Variants in ATG3 observed in about 807,000 individuals in gnomAD.
ATG3 encodes autophagy related 3.
A neutral mutation model predicts 50.7 loss-of-function variants in ATG3; 25 were observed. That is an observed-to-expected ratio of 0.49 (90% CI 0.36 to 0.69). The LOEUF (loss-of-function observed/expected upper bound fraction) is 0.69, where lower values mean the gene tolerates loss of function less well. ATG3 is among the 30% of genes least tolerant of loss of function. The pLI is 0.00. For synonymous variants in ATG3, 119 were observed against 125.5 expected (o/e 0.95, Z 0.34); for missense variants, 281 against 376.0 (o/e 0.75, Z 2.09).
intron 7 of ATG3, among the ~76,000 whole-genome samples, 197 bp downstream of exon 7, chr3:112,541,606 T>C (rs1253233809): frequency 1.3e-5 from 2 of 152,226 alleles, no homozygotes; most frequent in African/African-American, 2.4e-5. Context: ...AAGACTATGT[T>C]TGGAGTAAAA....
intron 7 of ATG3, 143 bp downstream of exon 7, chr3:112,541,660 T>A: frequency 1.5e-6 from 1 of 657,204 alleles, no homozygotes; most frequent in Non-Finnish European, 2.6e-6. Context: ...TAATGAAATT[T>A]ATGAACTAAA....
chr3:112,549,406 T>C (rs1293456832), intron 4 of ATG3, among the ~76,000 whole-genome samples: 1 of 152,230 alleles, frequency 6.6e-6, no homozygotes, highest in African/African-American at 2.4e-5. Context: ...TATTTTCCCT[T>C]TCCTATAATG....
At chr3:112,545,488 T>C (rs1377446998) in intron 5 of ATG3, among the ~76,000 whole-genome samples, 1 of 152,224 alleles carries the variant, frequency 6.6e-6, no homozygotes, top group Non-Finnish European at 1.5e-5. Context: ...CTGTTCAACA[T>C]GCCTAAACAA....
chr3:112,552,573 A>C (rs971090988), intron 3 of ATG3, among the ~76,000 whole-genome samples: 11 of 151,772 alleles, frequency 7.2e-5, no homozygotes, highest in African/African-American at 2.7e-4. Context: ...TAAAACTGCA[A>C]AATCTCTGCA....
chr3:112,540,198 A>G (rs1229336974), intron 7 of ATG3, among the ~76,000 whole-genome samples: 1 of 152,264 alleles, frequency 6.6e-6, no homozygotes, highest in Admixed American at 6.5e-5. Flanking sequence ...AATAAGGACA[A>G]GAATCTCACT....
chr3:112,558,699 T>A (rs947678756), intron 1 of ATG3, among the ~76,000 whole-genome samples: 1 of 151,906 alleles, frequency 6.6e-6, no homozygotes, highest in Non-Finnish European at 1.5e-5. Flanking sequence ...TACTATCAGA[T>A]CAGTGCTATA....
Position 112,545,088 on chromosome 3 carries a change from C to T in ATG3, c.344-982G>A, listed in dbSNP as rs532599793. ...ATTTCCACATCTTATTTAATCCTCACAATGACTATCTTATGAGGACGTTAC... is the reference window on the plus strand; with the variant it reads ...ATTTCCACATCTTATTTAATCCTCATAATGACTATCTTATGAGGACGTTAC... On this transcript the variant is annotated intron_variant, in intron 5 of 11. Transcript: ENST00000283290. Among the ~76,000 whole-genome samples, 8 of 152,308 alleles carry T rather than the reference C, an allele frequency of 5.3e-5. No homozygotes were observed. In the South Asian group the frequency reaches 1.2e-3, roughly 24 times the overall value.
At chr3:112,537,330 T>A (rs1933097267) in intron 9 of ATG3, among the ~76,000 whole-genome samples, 4 of 152,212 alleles carry the variant, frequency 2.6e-5, no homozygotes, top group Admixed American at 2.0e-4. Flanking sequence ...GTAGATGAGT[T>A]TTCTGTCTTA....
At chr3:112,541,352 A>G (rs944116309) in intron 7 of ATG3, among the ~76,000 whole-genome samples, 5 of 151,634 alleles carry the variant, frequency 3.3e-5, no homozygotes, top group African/African-American at 9.7e-5. Context: ...GCACCACTGC[A>G]CTCCAGCCTG....
Position 112,534,344 on chromosome 3 carries a change from G to C in ATG3, c.795-7C>G. The C allele has an allele frequency of 3.2e-6, 4 of 1,256,676 alleles. No individual in the cohort carries two copies. The highest frequency in any genetic ancestry group is 2.0e-6 in the Non-Finnish European group (2 of 990,716). The allele number at this position is 1,256,676 out of a possible 1,614,324, so 77.8% of individuals were successfully genotyped here. On this transcript the variant is annotated splice_polypyrimidine_tract_variant and splice_region_variant and intron_variant, in intron 10 of 11. Coordinates refer to ENST00000283290, the MANE Select transcript of ATG3 (RefSeq NM_022488.5). ...CTTCATCACCTCAGCATGCCTAGAA[G>C]CCAAAAAAAAAAAAAATTGTTAATG... is the stretch of plus-strand genomic sequence containing the variant.
intron 8 of ATG3, 77 bp downstream of exon 8, chr3:112,538,069 C>A: frequency 7.8e-7 from 1 of 1,279,072 alleles, no homozygotes; most frequent in South Asian, 1.4e-5. Context: ...TTTGAAAGAT[C>A]AATATATTAT....
chr3:112,556,828 CATGCTCGTTAAGAGTCATCACCACT>C (rs1933697114), intron 2 of ATG3, among the ~76,000 whole-genome samples: 1 of 151,950 alleles, frequency 6.6e-6, no homozygotes, highest in African/African-American at 2.4e-5. Flanking sequence ...TTGAAGGCAG[CATGCTCGTTAAGAGTCATCACCACT>C]CCCTAACCTC....
chr3:112,543,776 G>A (rs1313472137), intron 6 of ATG3, among the ~76,000 whole-genome samples: 2 of 152,124 alleles, frequency 1.3e-5, no homozygotes, highest in East Asian at 3.8e-4. Context: ...TCCAGTCAGT[G>A]AAAATTAGTA....
At chr3:112,559,523 A>C (rs939265331) in intron 1 of ATG3, among the ~76,000 whole-genome samples, 6 of 152,254 alleles carry the variant, frequency 3.9e-5, no homozygotes, top group Admixed American at 2.6e-4. Flanking sequence ...AGAAAAATGA[A>C]GCTGAGAGGA....
rs1932967265 is a variant in ATG3 at position 112,534,420 on chromosome 3, T to C, written c.795-83A>G. The stretch of plus-strand genomic sequence containing the variant: ...AAACATATTTTCATTTGTAAAGAAA[T>C]CGACCCTATTACTCTCAGTGAATTA... On this transcript the variant is annotated intron_variant, in intron 10 of 11. Transcript: ENST00000283290. 8 of 1,153,714 alleles carry C rather than the reference T, an allele frequency of 6.9e-6. No homozygotes were observed. The African/African-American group carries it at 7.8e-5, about 11-fold the overall frequency. The allele number at this position is 1,153,714 out of a possible 1,614,324, so 71.5% of individuals were successfully genotyped here. A position where few individuals can be genotyped will look rare whatever the true frequency, so the allele number is the denominator to read the frequency against.
chr3:112,538,351 G>C (rs1933132969), intron 7 of ATG3, 171 bp from the exon 8 acceptor site: 1 of 567,166 alleles, frequency 1.8e-6, no homozygotes, highest in Non-Finnish European at 3.1e-6. Flanking sequence ...ACTTCCAAAG[G>C]CGAAAGCCCA....
chr3:112,551,768 T>C (rs113177893), intron 3 of ATG3, among the ~76,000 whole-genome samples: 4 of 152,166 alleles, frequency 2.6e-5, no homozygotes, highest in South Asian at 2.1e-4. Flanking sequence ...ATATAAATTA[T>C]AGACCAGAAC....
Position 112,532,786 on chromosome 3 carries a change from G to A in ATG3, c.864-6C>T, listed in dbSNP as rs1559840527. ...TCAAGAAAATAAGAAGATACCTAAA[G>A]GTTTTTAGCTAAGGAAAATAAGATT... On this transcript the variant is annotated splice_polypyrimidine_tract_variant and splice_region_variant and intron_variant, in intron 11 of 11. Transcript: ENST00000283290. 5 of 1,573,306 alleles carry A rather than the reference G, an allele frequency of 3.2e-6. No individual in the cohort carries two copies. In the South Asian group the frequency reaches 5.8e-5, roughly 18 times the overall value.
chr3:112,543,998 T>C (rs1379753623), intron 6 of ATG3, 59 bp downstream of exon 6: 7 of 1,290,734 alleles, frequency 5.4e-6, no homozygotes, highest in Non-Finnish European at 5.6e-6. Context: ...TGTGTATAGA[T>C]AGATAGATAG....
Sources: allele counts gnomAD v4.1 joint callset (sites outside exome capture counted in the v4.1 genomes callset), GRCh38; gene constraint gnomAD v4.1.1; transcripts MANE v1.5; gene names NCBI Gene and HGNC (gene_info 2026-07-23, HGNC 2026-07-21).